Variants in TYR observed in about 807,000 individuals in gnomAD.
The protein encoded by TYR is tyrosinase.
A neutral mutation model predicts 51.5 loss-of-function variants in TYR; 58 were observed. The ratio of observed to expected loss-of-function variants is 1.13; its 90% CI spans 0.91 to 1.40. The LOEUF (loss-of-function observed/expected upper bound fraction) is 1.40. TYR is among the 40% of genes most tolerant of loss of function. The probability of loss-of-function intolerance (pLI) is 0.00; values close to 1 mark genes in which losing one functional copy is unlikely to be tolerated. For synonymous variants in TYR, 263 were observed against 235.2 expected (o/e 1.12, Z -1.08); for missense variants, 732 against 647.4 (o/e 1.13, Z -1.42).
intron 2 of TYR, among the ~76,000 whole-genome samples, chr11:89,209,953 C>T (rs1324205788): frequency 6.6e-6 from 1 of 152,094 alleles, no homozygotes; most frequent in African/African-American, 2.4e-5. Context: ...AAGCAAAACC[C>T]CATTTTTAGG....
In TYR at chr11:89,221,430, C is replaced by CT. The variant is rs546488368; in HGVS notation, c.1037-6392dup. On this transcript the variant is annotated intron_variant, in intron 2 of 4. Coordinates refer to ENST00000263321, the MANE Select transcript of TYR (RefSeq NM_000372.5). ...AAATGCTAATTAATTACATTTATGG[C>CT]TGTAGAGCTAGCACTTTGAGCAAAC... 4.7e-3 allele frequency among the ~76,000 whole-genome samples: 716 copies of CT among 152,278 alleles called. 2 individuals carry two copies. Among genetic ancestry groups the CT allele is most frequent in the Non-Finnish European group, 8.4e-3 (573 of 68,014 alleles).
chr11:89,289,491 C>A (rs1319466858), intron 4 of TYR, among the ~76,000 whole-genome samples: 3 of 152,048 alleles, frequency 2.0e-5, no homozygotes, highest in Middle Eastern at 3.4e-3. Flanking sequence ...TGTAGGAAGT[C>A]TTTTCTCCAT....
intron 2 of TYR, among the ~76,000 whole-genome samples, chr11:89,214,839 C>A (rs779496944): frequency 6.6e-6 from 1 of 152,104 alleles, no homozygotes; most frequent in Non-Finnish European, 1.5e-5. Flanking sequence ...TGATTAAGAA[C>A]ATAGATTTTA....
Position 89,178,437 on chromosome 11 carries a change from G to A in TYR, c.484G>A (p.Gly162Arg). 4 of 1,614,016 alleles carry A rather than the reference G, an allele frequency of 2.5e-6. No homozygotes were observed. Among genetic ancestry groups the A allele is most frequent in the Non-Finnish European group, 3.4e-6 (4 of 1,179,994 alleles). Residue 162 changes from glycine to arginine, a missense_variant, in exon 1 of 5, where the codon GGA becomes AGA. Coordinates refer to ENST00000263321, the MANE Select transcript of TYR (RefSeq NM_000372.5). ...PIGTYGQMKN[G>R]STPMFNDINI... ...AGGGACCTATGGCCAAATGAAAAAT[G>A]GATCAACACCCATGTTTAACGACAT...
chr11:89,197,679 A>G (rs1943538954), intron 2 of TYR, among the ~76,000 whole-genome samples: 1 of 152,074 alleles, frequency 6.6e-6, no homozygotes, highest in Non-Finnish European at 1.5e-5. Flanking sequence ...GATCTAAAGT[A>G]GTGAGAATGA....
rs1590891240 is a variant in TYR at position 89,270,411 on chromosome 11, C to A, written c.1185-14362C>A. Among the ~76,000 whole-genome samples the A allele has an allele frequency of 2.6e-5, 4 of 152,036 alleles. No individual in the cohort carries two copies. In the East Asian group the frequency reaches 7.8e-4, roughly 30 times the overall value. ...TTCCCAAGGCATGAAGGGCCCTTCT[C>A]TGCTGGCATTCACACTGTACTGTGC... is the stretch of plus-strand genomic sequence containing the variant. On this transcript the variant is annotated intron_variant, in intron 3 of 4. Transcript: ENST00000263321.
At chr11:89,191,075 A>T (rs1296081022) in intron 1 of TYR, 127 bp from the exon 2 acceptor site, 8 of 808,174 alleles carry the variant, frequency 9.9e-6, no homozygotes. Context: ...GTCATTAAAG[A>T]CACATGATTG....
At chr11:89,257,112 C>G (rs1590882400) in intron 3 of TYR, among the ~76,000 whole-genome samples, 1 of 151,942 alleles carries the variant, frequency 6.6e-6, no homozygotes, top group Non-Finnish European at 1.5e-5. Flanking sequence ...GGAACAAGTC[C>G]TTTGCTGTTC....
chr11:89,187,150 CTG>C lies in TYR; in HGVS notation c.820-4049_820-4048del, dbSNP rs1035152643. Among the ~76,000 whole-genome samples, 72 of 152,258 alleles carry C rather than the reference CTG, an allele frequency of 4.7e-4. 2 individuals are homozygous for C. The highest frequency in any genetic ancestry group is 1.7e-3 in the African/African-American group (71 of 41,552). Reference sequence around the variant, plus strand: ...GTCACCTATTCACTATAGACTGAGACTGTGGGATACCTATTCCCTGTAGATTG... The same window carrying C: ...GTCACCTATTCACTATAGACTGAGACTGGGATACCTATTCCCTGTAGATTG... On this transcript the variant is annotated intron_variant, in intron 1 of 4. Coordinates refer to ENST00000263321, the MANE Select transcript of TYR (RefSeq NM_000372.5).
chr11:89,180,460 ATGAG>A (rs1348480326), intron 1 of TYR, among the ~76,000 whole-genome samples: 2 of 152,114 alleles, frequency 1.3e-5, no homozygotes, highest in Admixed American at 6.6e-5. Flanking sequence ...CCACAACTGT[ATGAG>A]TATTATTTTC....
chr11:89,226,265 A>C lies in TYR; in HGVS notation c.1037-1558A>C, dbSNP rs572314013. 4.6e-5 allele frequency among the ~76,000 whole-genome samples: 7 copies of C among 152,208 alleles called. No homozygotes were observed. In the South Asian group the frequency reaches 1.5e-3, roughly 32 times the overall value. On this transcript the variant is annotated intron_variant, in intron 2 of 4. Transcript: ENST00000263321. ...GGCATCTGCTCTAACCTTAATGTCT[A>C]ATTTGTTATTTTACCTTAGACAAGT...
Position 89,178,595 on chromosome 11 carries a change from C to T in TYR, c.642C>T (p.Phe214=). ...CTTTTCTGCCTTGGCATAGACTCTTCTTGTTGCGGTGGGAACAAGAAATCC... is the reference window on the plus strand; with the variant it reads ...CTTTTCTGCCTTGGCATAGACTCTTTTTGTTGCGGTGGGAACAAGAAATCC... ...APAFLPWHRL[F]LLRWEQEIQK... The change falls in exon 1 of 5, where the codon TTC becomes TTT. Residue 214 remains phenylalanine, a synonymous_variant. Transcript: ENST00000263321. 6.2e-7 allele frequency: 1 copy of T among 1,613,200 alleles called. No homozygotes were observed.
intron 3 of TYR, among the ~76,000 whole-genome samples, chr11:89,246,743 G>A (rs1944272386): frequency 6.6e-6 from 1 of 152,030 alleles, no homozygotes; most frequent in East Asian, 1.9e-4. Context: ...TAACCCACAT[G>A]CCTTCAAACC....
At chr11:89,293,947 T>C (rs1187245651) in intron 4 of TYR, 5 of 309,182 alleles carry the variant, frequency 1.6e-5, no homozygotes, top group Non-Finnish European at 3.2e-5. Flanking sequence ...GTGAAGCCTC[T>C]TGGTTTGTCG....
chr11:89,210,611 A>T (rs1312868185), intron 2 of TYR, among the ~76,000 whole-genome samples: 1 of 152,198 alleles, frequency 6.6e-6, no homozygotes, highest in Non-Finnish European at 1.5e-5. Context: ...CAGGAAATAC[A>T]GAGAACACCA....
intron 4 of TYR, among the ~76,000 whole-genome samples, chr11:89,290,061 T>C (rs1590906152): frequency 1.3e-5 from 2 of 152,190 alleles, no homozygotes; most frequent in Admixed American, 1.3e-4. Flanking sequence ...GTGTTTGTTT[T>C]GTGAATAAAT....
Position 89,227,823 on chromosome 11 carries a change from G to T in TYR, c.1037G>T (p.Gly346Val), listed in dbSNP as rs773970123. Reference protein sequence around the residue: ...ANFSFRNTLEGFASPLTGIAD... With the variant: ...ANFSFRNTLEVFASPLTGIAD... ...TTTTTCATTTTTTTTTAATGAACAG[G>T]ATTTGCTAGTCCACTTACTGGGATA... is the stretch of plus-strand genomic sequence containing the variant. Residue 346 changes from glycine to valine, a missense_variant and splice_region_variant, in exon 3 of 5, where the codon GGA becomes GTA. Transcript: ENST00000263321. 2.5e-6 allele frequency: 4 copies of T among 1,612,090 alleles called. No individual in the cohort carries two copies. In the South Asian group the frequency reaches 4.4e-5, roughly 18 times the overall value.
intron 2 of TYR, among the ~76,000 whole-genome samples, chr11:89,192,939 C>T (rs1392574383): frequency 6.6e-6 from 1 of 152,090 alleles, no homozygotes; most frequent in Admixed American, 6.6e-5. Context: ...TATCAAGTAC[C>T]AAAGTCCAAG....
At chr11:89,255,851 G>A (rs1944384815) in intron 3 of TYR, among the ~76,000 whole-genome samples, 1 of 150,968 alleles carries the variant, frequency 6.6e-6, no homozygotes. Flanking sequence ...TTTTTAAGAG[G>A]CAGCTTTAGT....
Sources: allele counts gnomAD v4.1 joint callset (sites outside exome capture counted in the v4.1 genomes callset), GRCh38; gene constraint gnomAD v4.1.1; transcripts MANE v1.5; gene names NCBI Gene and HGNC (gene_info 2026-07-23, HGNC 2026-07-21).